The following KCNIP4 variants were observed in gnomAD, a reference collection of about 807,000 sequenced individuals.
The protein encoded by KCNIP4 is potassium voltage-gated channel interacting protein 4.
Under a neutral mutation model 34.0 loss-of-function variants are expected in KCNIP4, and 12 were observed. The ratio of observed to expected loss-of-function variants is 0.35; its 90% confidence interval spans 0.23 to 0.57. KCNIP4 has a LOEUF of 0.57. Among genes scored for constraint, KCNIP4 ranks in the 20% least tolerant of loss-of-function variants. KCNIP4 has a pLI of 0.83. For synonymous variants in KCNIP4, 124 were observed against 102.2 expected (o/e 1.21, Z -1.29); for missense variants, 238 against 311.7 (o/e 0.76, Z 1.78).
At chr4:21,423,393 T>C (rs893264183) in intron 1 of KCNIP4, among the ~76,000 whole-genome samples, 1 of 152,266 alleles carries the variant, frequency 6.6e-6, no homozygotes, top group Admixed American at 6.5e-5. Flanking sequence ...ATATAACTTC[T>C]AAATTTCCAT....
intron 3 of KCNIP4, among the ~76,000 whole-genome samples, chr4:20,794,957 A>C (rs766852365): frequency 1.2e-4 from 19 of 152,202 alleles, no homozygotes; most frequent in Non-Finnish European, 2.2e-4. Flanking sequence ...AATCTTCAGG[A>C]AAGCAGAAAC....
intron 1 of KCNIP4, among the ~76,000 whole-genome samples, chr4:21,135,817 C>G (rs1329859707): frequency 2.0e-5 from 3 of 152,102 alleles, no homozygotes; most frequent in Non-Finnish European, 4.4e-5. Flanking sequence ...TGGGTCAGCT[C>G]TTGAATATCC....
intron 1 of KCNIP4, among the ~76,000 whole-genome samples, chr4:21,946,516 TAGTAAAGACCATCCTATATCTGATC>T (rs1407278946): frequency 6.6e-6 from 1 of 152,208 alleles, no homozygotes; most frequent in African/African-American, 2.4e-5. Flanking sequence ...ATCCCAGGAT[TAGTAAAGACCATCCTATATCTGATC>T]ACAAGTAAGC....
chr4:21,037,674 G>T (rs1741572746), intron 1 of KCNIP4, among the ~76,000 whole-genome samples: 1 of 152,202 alleles, frequency 6.6e-6, no homozygotes, highest in Admixed American at 6.5e-5. Flanking sequence ...GCTAGATCCA[G>T]TATCACACGC....
intron 1 of KCNIP4, among the ~76,000 whole-genome samples, chr4:21,121,759 A>C (rs940577033): frequency 2.6e-5 from 4 of 152,226 alleles, no homozygotes; most frequent in African/African-American, 9.6e-5. Flanking sequence ...TAGGTTAATT[A>C]TGCAGGTAGA....
intron 1 of KCNIP4, among the ~76,000 whole-genome samples, chr4:21,685,296 A>T (rs2109031395): frequency 6.6e-6 from 1 of 152,322 alleles, no homozygotes; most frequent in African/African-American, 2.4e-5. Flanking sequence ...GATTCCAGCC[A>T]CTGTCCTTAC....
chr4:21,089,821 C>T (rs540548827), intron 1 of KCNIP4, among the ~76,000 whole-genome samples: 24 of 152,182 alleles, frequency 1.6e-4, no homozygotes, highest in African/African-American at 2.4e-4. Context: ...CCAGACTGAT[C>T]ATTTCACAAT....
At chr4:21,338,045 C>T (rs1364517401) in intron 1 of KCNIP4, among the ~76,000 whole-genome samples, 1 of 151,964 alleles carries the variant, frequency 6.6e-6, no homozygotes, top group Non-Finnish European at 1.5e-5. Context: ...TAGCTTTTGT[C>T]CTTGGCTTCA....
At position 21,470,871 on chromosome 4, in the gene KCNIP4, C is replaced by G. The variant is rs553524692; in HGVS notation, c.61+477700G>C. On this transcript the variant is annotated intron_variant, in intron 1 of 8. Coordinates refer to ENST00000382152, the MANE Select transcript of KCNIP4 (RefSeq NM_025221.6). The stretch of plus-strand genomic sequence containing the variant: ...AAAACCTAAAATCATTAGAGAAGTA[C>G]TTTTCACTTCAGCTCTGCATCAGCA... Among the ~76,000 whole-genome samples, 13 of 152,050 alleles carry G rather than the reference C, an allele frequency of 8.5e-5. No homozygotes were observed. In the South Asian group the frequency reaches 2.7e-3, roughly 32 times the overall value.
Position 21,545,873 on chromosome 4 carries a change from A to T in KCNIP4, c.61+402698T>A, listed in dbSNP as rs567946903. Reference sequence around the variant, plus strand: ...GTGCGTGTGTCTTTATGGTAGAATGATTTATAATCTCTAAGGTATATACCC... The same window carrying T: ...GTGCGTGTGTCTTTATGGTAGAATGTTTTATAATCTCTAAGGTATATACCC... On this transcript the variant is annotated intron_variant, in intron 1 of 8. Coordinates refer to ENST00000382152, the MANE Select transcript of KCNIP4 (RefSeq NM_025221.6). 1.4e-4 allele frequency among the ~76,000 whole-genome samples: 21 copies of T among 152,228 alleles called. No individual in the cohort carries two copies. In the South Asian group the frequency reaches 4.1e-3, roughly 30 times the overall value.
At chr4:20,886,049 C>T (rs1251487865) in intron 1 of KCNIP4, among the ~76,000 whole-genome samples, 1 of 152,178 alleles carries the variant, frequency 6.6e-6, no homozygotes, top group Non-Finnish European at 1.5e-5. Context: ...ATTCATGATA[C>T]AATTACATAT....
chr4:20,830,868 C>G (rs1718344496), intron 3 of KCNIP4, among the ~76,000 whole-genome samples: 1 of 152,042 alleles, frequency 6.6e-6, no homozygotes, highest in African/African-American at 2.4e-5. Flanking sequence ...GGACAAGATG[C>G]CTTAGAATTC....
At chr4:21,478,497 T>G (rs1731171471) in intron 1 of KCNIP4, among the ~76,000 whole-genome samples, 1 of 152,120 alleles carries the variant, frequency 6.6e-6, no homozygotes, top group Non-Finnish European at 1.5e-5. Context: ...TGTTTAGCAT[T>G]AAGATGTTTT....
At chr4:21,089,697 C>T (rs185502146) in intron 1 of KCNIP4, among the ~76,000 whole-genome samples, 10 of 152,256 alleles carry the variant, frequency 6.6e-5, no homozygotes, top group African/African-American at 2.2e-4. Context: ...ACTGGGTGGT[C>T]CCTCCTTGGT....
intron 1 of KCNIP4, among the ~76,000 whole-genome samples, chr4:21,429,323 A>ATT (rs144570578): frequency 6.6e-6 from 1 of 150,896 alleles, no homozygotes; most frequent in African/African-American, 2.4e-5. Context: ...TTGATAACTC[A>ATT]TTTTTTTTTA....
At chr4:21,215,401 T>C (rs1757485786) in intron 1 of KCNIP4, among the ~76,000 whole-genome samples, 1 of 152,220 alleles carries the variant, frequency 6.6e-6, no homozygotes, top group South Asian at 2.1e-4. Context: ...AAAAGACATA[T>C]TCATTGATTC....
intron 1 of KCNIP4, among the ~76,000 whole-genome samples, chr4:20,987,180 A>C (rs1736655806): frequency 6.6e-6 from 1 of 152,186 alleles, no homozygotes; most frequent in Non-Finnish European, 1.5e-5. Context: ...AGGATAACTT[A>C]GGAGTTTGAG....
chr4:20,729,912 T>C lies in KCNIP4; in HGVS notation c.*170A>G. ...GCATTATGAAAAGGATGCAAATTTA[T>C]AACTGAAAGCTCAAATCTTTTGGGG... On this transcript the variant is annotated 3_prime_UTR_variant, in exon 9 of 9. Transcript: ENST00000382152. 1.5e-6 allele frequency: 1 copy of C among 676,336 alleles called. No individual in the cohort carries two copies. Among genetic ancestry groups the C allele is most frequent in the East Asian group, 3.2e-5 (1 of 31,382 alleles). 41.9% of individuals were successfully genotyped at this position (676,336 alleles called of 1,614,324 possible). A position where few individuals can be genotyped will look rare whatever the true frequency, so the allele number is the denominator to read the frequency against.
intron 1 of KCNIP4, among the ~76,000 whole-genome samples, chr4:21,727,059 TC>T (rs33912377): frequency 0.28 from 43,162 of 151,968 alleles, 7,311 homozygotes; most frequent in East Asian, 0.67. Flanking sequence ...TGGTTAGTAC[TC>T]TAGAATACTG....
Sources: allele counts gnomAD v4.1 joint callset (sites outside exome capture counted in the v4.1 genomes callset), GRCh38; gene constraint gnomAD v4.1.1; transcripts MANE v1.5; gene names NCBI Gene and HGNC (gene_info 2026-07-23, HGNC 2026-07-21).